The following AGTPBP1 variants were observed in gnomAD, a reference collection of about 807,000 sequenced individuals.
AGTPBP1 encodes the protein ATP/GTP binding carboxypeptidase 1, also known as cytosolic carboxypeptidase 1.
In AGTPBP1, 70 loss-of-function variants were observed where a neutral mutation model predicts 143.9. That is an observed-to-expected ratio of 0.49 (90% CI 0.40 to 0.59). The LOEUF is 0.59. AGTPBP1 is among the 20% of genes least tolerant of loss of function. The probability of loss-of-function intolerance (pLI) is 0.00; values close to 1 mark genes in which losing one functional copy is unlikely to be tolerated. For synonymous variants in AGTPBP1, 463 were observed against 500.2 expected (o/e 0.93, Z 0.99); for missense variants, 1,229 against 1,464.5 (o/e 0.84, Z 2.62).
At chr9:85,628,520 C>T (rs1160701528) in intron 14 of AGTPBP1, among the ~76,000 whole-genome samples, 1 of 152,156 alleles carries the variant, frequency 6.6e-6, no homozygotes, top group Non-Finnish European at 1.5e-5. Flanking sequence ...AGCAACAAAT[C>T]AGAACACATC....
At chr9:85,737,548 T>G (rs533731578) in intron 1 of AGTPBP1, among the ~76,000 whole-genome samples, 1 of 152,216 alleles carries the variant, frequency 6.6e-6, no homozygotes, top group South Asian at 2.1e-4. Context: ...ATAATTTGTC[T>G]CTAACAAAAT....
intron 17 of AGTPBP1, among the ~76,000 whole-genome samples, chr9:85,612,194 A>C (rs1830355296): frequency 6.6e-6 from 1 of 152,172 alleles, no homozygotes; most frequent in East Asian, 1.9e-4. Flanking sequence ...TATTCTAATG[A>C]GGCAGCTCTT....
intron 13 of AGTPBP1, among the ~76,000 whole-genome samples, chr9:85,641,725 T>A (rs1443223318): frequency 6.6e-6 from 1 of 151,878 alleles, no homozygotes; most frequent in Non-Finnish European, 1.5e-5. Flanking sequence ...TTAGACGAAG[T>A]CTCATTCTGT....
chr9:85,748,997 CTTTTTTTTT>C, the AGTPBP1 span, among the ~76,000 whole-genome samples: 68 of 95,436 alleles, frequency 7.1e-4, no homozygotes, highest in South Asian at 1.1e-3. Flanking sequence ...ATCTAGTGCA[CTTTTTTTTT>C]TTTTTTTTTT....
At chr9:85,763,763 A>C in the AGTPBP1 span, among the ~76,000 whole-genome samples, 1 of 152,104 alleles carries the variant, frequency 6.6e-6, no homozygotes, top group East Asian at 1.9e-4. Flanking sequence ...CCAACTGAAA[A>C]GGTTGAAGGT....
the AGTPBP1 span, among the ~76,000 whole-genome samples, chr9:85,774,951 AT>A: frequency 6.6e-6 from 1 of 152,146 alleles, no homozygotes; most frequent in Non-Finnish European, 1.5e-5. Context: ...ATATTTTAAT[AT>A]TTTTTTAAGT....
chr9:85,595,108 T>C (rs1008555061), intron 18 of AGTPBP1, among the ~76,000 whole-genome samples: 2 of 152,204 alleles, frequency 1.3e-5, no homozygotes, highest in Admixed American at 6.5e-5. Flanking sequence ...TTATTTGCTA[T>C]TCATTTTGCT....
At chr9:85,781,394 A>C in the AGTPBP1 span, 1 of 1,492,498 alleles carries the variant, frequency 6.7e-7, no homozygotes, top group Admixed American at 2.6e-5. Flanking sequence ...GTCACTCTTA[A>C]CACTGTTTCT....
the AGTPBP1 span, among the ~76,000 whole-genome samples, chr9:85,750,103 T>G: frequency 4.6e-5 from 7 of 152,070 alleles, no homozygotes; most frequent in African/African-American, 1.7e-4. Context: ...AGGATGGTCT[T>G]GATCTCCTGA....
intron 18 of AGTPBP1, among the ~76,000 whole-genome samples, chr9:85,594,044 C>CA (rs1769971106): frequency 6.6e-6 from 1 of 152,118 alleles, no homozygotes; most frequent in Admixed American, 6.5e-5. Context: ...TACCCAATGA[C>CA]AGAGTGCTAA....
intron 25 of AGTPBP1, among the ~76,000 whole-genome samples, chr9:85,551,027 G>A (rs1208150414): frequency 4.6e-5 from 7 of 151,944 alleles, no homozygotes; most frequent in Non-Finnish European, 7.4e-5. Context: ...GTGTTCATGC[G>A]AGATCTGGTT....
upstream of AGTPBP1, among the ~76,000 whole-genome samples, chr9:85,742,498 G>A (rs539959695): frequency 6.6e-6 from 1 of 152,112 alleles, no homozygotes; most frequent in Admixed American, 6.6e-5. Context: ...ATAATAAGAG[G>A]CTGGAAGGGA....
At chr9:85,719,010 T>A (rs1202367917) in intron 1 of AGTPBP1, among the ~76,000 whole-genome samples, 1 of 152,206 alleles carries the variant, frequency 6.6e-6, no homozygotes, top group Non-Finnish European at 1.5e-5. Context: ...AGGCCTCTGT[T>A]CTGTTCCATT....
intron 1 of AGTPBP1, among the ~76,000 whole-genome samples, chr9:85,736,697 T>C (rs1394858258): frequency 6.6e-6 from 1 of 152,230 alleles, no homozygotes; most frequent in East Asian, 1.9e-4. Flanking sequence ...CCTGTGGTCC[T>C]GACACTCTTT....
intron 23 of AGTPBP1, among the ~76,000 whole-genome samples, chr9:85,583,755 T>C (rs780368149): frequency 1.3e-4 from 20 of 152,136 alleles, no homozygotes; most frequent in Non-Finnish European, 2.6e-4. Flanking sequence ...ATTTATTGAG[T>C]ACTTATTATG....
At chr9:85,685,835 A>G (rs1490517211) in intron 3 of AGTPBP1, among the ~76,000 whole-genome samples, 1 of 152,148 alleles carries the variant, frequency 6.6e-6, no homozygotes, top group Non-Finnish European at 1.5e-5. Flanking sequence ...TCACAGCTGA[A>G]GAATGGTAGA....
At chr9:85,656,887 C>T (rs977211540) in intron 10 of AGTPBP1, among the ~76,000 whole-genome samples, 8 of 152,118 alleles carry the variant, frequency 5.3e-5, no homozygotes, top group Admixed American at 6.6e-5. Context: ...CAAACAACAC[C>T]GAGTACAGCC....
At chr9:85,696,831 A>T (rs1182459687) in intron 2 of AGTPBP1, among the ~76,000 whole-genome samples, 8 of 152,236 alleles carry the variant, frequency 5.3e-5, no homozygotes. Context: ...AAGTTCACTA[A>T]TATGGTTTCA....
At chr9:85,782,471 C>T in the AGTPBP1 span, among the ~76,000 whole-genome samples, 386 of 152,112 alleles carry the variant, frequency 2.5e-3, 2 homozygotes, top group African/African-American at 8.4e-3. Context: ...GCTGAGATCA[C>T]GACATTGCAC....
Sources: gnomAD v4.1 joint callset for allele counts (sites outside exome capture counted in the v4.1 genomes callset) on GRCh38, gnomAD v4.1.1 for gene constraint, MANE v1.5 for transcripts, NCBI Gene and HGNC (gene_info 2026-07-23, HGNC 2026-07-21) for gene names.